QKI: variants seen among roughly 807,000 people sequenced by gnomAD.
QKI encodes the protein KH domain-containing RNA-binding protein QKI.
Under a neutral mutation model 39.0 loss-of-function variants are expected in QKI, and 10 were observed. The observed-to-expected ratio is 0.26, with a 90% CI of 0.16 to 0.43. The LOEUF (loss-of-function observed/expected upper bound fraction) is 0.43. Ranked by LOEUF, QKI falls within the 20% of genes least tolerant of loss-of-function variation. The pLI is 1.00. For missense variants in QKI, 218 were observed against 428.0 expected (o/e 0.51, Z 4.33); for synonymous variants, 204 against 155.4 (o/e 1.31, Z -2.33).
rs1247377189 is a variant in QKI at position 163,573,637 on chromosome 6, T to G, written c.*2927T>G. ...TTGCAGTACTTTATTATATTGGGTGTCTTGTCTTTTTTGGGCTTTTAGTTA... is the reference window on the plus strand; with the variant it reads ...TTGCAGTACTTTATTATATTGGGTGGCTTGTCTTTTTTGGGCTTTTAGTTA... On this transcript the variant is annotated 3_prime_UTR_variant, in exon 8 of 8. Coordinates refer to ENST00000361752, the MANE Select transcript of QKI (RefSeq NM_006775.3). 6.6e-6 allele frequency: 1 copy of G among 152,160 alleles called. No individual in the cohort carries two copies. The highest frequency in any genetic ancestry group is 6.5e-5 in the Admixed American group (1 of 15,272). The allele number at this position is 152,160 out of a possible 1,614,324, so 9.4% of individuals were successfully genotyped here.
In QKI at chr6:163,561,866, A is replaced by C. The variant is rs570457212; in HGVS notation, c.547-116A>C. 162 of 683,698 alleles carry C rather than the reference A, an allele frequency of 2.4e-4. 1 individual carries two copies. The African/African-American group carries it at 2.6e-3, about 11-fold the overall frequency. 42.4% of individuals were successfully genotyped at this position (683,698 alleles called of 1,614,324 possible). On this transcript the variant is annotated intron_variant, in intron 4 of 7. Transcript: ENST00000361752. The stretch of plus-strand genomic sequence containing the variant: ...TGGTTCTTGATCTTTTTTTCCCCTT[A>C]TTAAAACAGGTGACTGTAGTCACAT...
At chr6:163,510,266 AC>A (rs1468753490) in intron 3 of QKI, among the ~76,000 whole-genome samples, 1 of 148,526 alleles carries the variant, frequency 6.7e-6, no homozygotes, top group African/African-American at 2.5e-5. Flanking sequence ...TAATAAGTAA[AC>A]TAAAAAGCAA....
chr6:163,520,516 T>C (rs1378329178), intron 3 of QKI, among the ~76,000 whole-genome samples: 1 of 152,096 alleles, frequency 6.6e-6, no homozygotes, highest in Non-Finnish European at 1.5e-5. Flanking sequence ...TTACCTGTTT[T>C]CAAAACTATA....
intron 1 of QKI, among the ~76,000 whole-genome samples, chr6:163,425,632 T>G (rs1362499580): frequency 2.0e-5 from 3 of 152,200 alleles, no homozygotes; most frequent in Non-Finnish European, 2.9e-5. Flanking sequence ...ATATTTATAT[T>G]GAGTTTTCTG....
intron 7 of QKI, chr6:163,567,413 T>G: frequency 1.0e-6 from 1 of 985,696 alleles, no homozygotes. Context: ...ATTCTTACAT[T>G]CTCTTGCCAA....
chr6:163,504,870 GCTC>G (rs1393648154), intron 3 of QKI, among the ~76,000 whole-genome samples: 3 of 152,188 alleles, frequency 2.0e-5, no homozygotes, highest in African/African-American at 7.2e-5. Context: ...GGTGGGACTT[GCTC>G]CTCTTCTTTT....
chr6:163,535,128 A>G lies in QKI; in HGVS notation c.546+3A>G. 6.3e-7 allele frequency: 1 copy of G among 1,580,612 alleles called. No individual in the cohort carries two copies. The highest frequency in any genetic ancestry group is 8.6e-7 in the Non-Finnish European group (1 of 1,166,520). ...TGAAGAAATTATTGGTACCTGCAGTAAGTAATAATTTCCAGACCTTAGATT... is the reference window on the plus strand; with the variant it reads ...TGAAGAAATTATTGGTACCTGCAGTGAGTAATAATTTCCAGACCTTAGATT... On this transcript the variant is annotated splice_donor_region_variant and intron_variant, in intron 4 of 7. Coordinates refer to ENST00000361752, the MANE Select transcript of QKI (RefSeq NM_006775.3).
In QKI at chr6:163,569,602, G is replaced by A. The variant is rs1783584767; in HGVS notation, c.1010-1092G>A. 34 of 1,023,024 alleles carry A rather than the reference G, an allele frequency of 3.3e-5. No individual in the cohort carries two copies. In the South Asian group the frequency reaches 1.0e-3, roughly 32 times the overall value. The allele number at this position is 1,023,024 out of a possible 1,614,324, so 63.4% of individuals were successfully genotyped here. ...AAGGAAGGAACAACTCAAGGACATT[G>A]GGAATGATAACTTTTCCACTTGAGA... On this transcript the variant is annotated intron_variant, in intron 7 of 7. Coordinates refer to ENST00000361752, the MANE Select transcript of QKI (RefSeq NM_006775.3).
rs1005350780 is a variant in QKI at position 163,562,048 on chromosome 6, A to C, written c.613A>C (p.Arg205=). Residue 205 remains arginine (R), a synonymous_variant, in exon 5 of 8, where the codon AGA becomes CGA. Transcript: ENST00000361752. ...MELAILNGTY[R]DANIKSPALA... is the part of the protein sequence containing the mutation. ...GCTTGCGATTCTGAATGGCACCTAC[A>C]GAGATGCCAACATTAAATCACGTAA... The C allele has an allele frequency of 6.2e-7, 1 of 1,612,864 alleles. No individual in the cohort carries two copies. Among genetic ancestry groups the C allele is most frequent in the African/African-American group, 1.3e-5 (1 of 74,890 alleles).
intron 1 of QKI, among the ~76,000 whole-genome samples, chr6:163,448,341 T>G (rs536442264): frequency 1.1e-4 from 17 of 152,038 alleles, no homozygotes; most frequent in South Asian, 2.1e-4. Flanking sequence ...TTGGGTTTTT[T>G]TTTTTTTTTT....
intron 1 of QKI, among the ~76,000 whole-genome samples, chr6:163,450,210 A>G (rs902573594): frequency 2.0e-5 from 3 of 152,012 alleles, no homozygotes; most frequent in African/African-American, 7.3e-5. Flanking sequence ...GGTGCCTGCC[A>G]CCACACCTGG....
At chr6:163,466,922 C>T in intron 2 of QKI, among the ~76,000 whole-genome samples, 1 of 151,184 alleles carries the variant, frequency 6.6e-6, no homozygotes, top group Non-Finnish European at 1.5e-5. Flanking sequence ...AAACAATCAA[C>T]AAAATGAAAA....
chr6:163,421,641 TG>T (rs1787999989), intron 1 of QKI, among the ~76,000 whole-genome samples: 1 of 145,082 alleles, frequency 6.9e-6, no homozygotes, highest in Non-Finnish European at 1.5e-5. Context: ...CAAATAGCTA[TG>T]TTTTTAAACA....
At chr6:163,457,889 G>C (rs1458531496) in intron 2 of QKI, among the ~76,000 whole-genome samples, 1 of 152,134 alleles carries the variant, frequency 6.6e-6, no homozygotes, top group Non-Finnish European at 1.5e-5. Flanking sequence ...AATAGTGACT[G>C]TGTATGGAAG....
At chr6:163,478,510 G>A (rs1792801893) in intron 2 of QKI, among the ~76,000 whole-genome samples, 1 of 152,128 alleles carries the variant, frequency 6.6e-6, no homozygotes, top group African/African-American at 2.4e-5. Flanking sequence ...TAGGTTATTT[G>A]TTGATGGACA....
intron 3 of QKI, among the ~76,000 whole-genome samples, chr6:163,505,385 A>G (rs1266618626): frequency 6.6e-6 from 1 of 152,214 alleles, no homozygotes. Context: ...GACAGCTTGC[A>G]CTATGTGCCT....
rs186938853 is a variant in QKI at position 163,427,871 on chromosome 6, T to C, written c.142+12536T>C. ...AAAATATATATAGATCTTTAAAGCT[T>C]TTAAAGTCATATGAAGTAGGGGAAA... On this transcript the variant is annotated intron_variant, in intron 1 of 7. Transcript: ENST00000361752. 2.7e-3 allele frequency among the ~76,000 whole-genome samples: 413 copies of C among 152,314 alleles called. 3 individuals carry two copies. The highest frequency in any genetic ancestry group is 9.5e-3 in the African/African-American group (394 of 41,568).
chr6:163,434,916 TAA>T (rs2128212425), intron 1 of QKI, among the ~76,000 whole-genome samples: 1 of 152,230 alleles, frequency 6.6e-6, no homozygotes, highest in African/African-American at 2.4e-5. Context: ...AAGTTTAATA[TAA>T]AAATATATTT....
In QKI at chr6:163,531,736, C is replaced by T. The variant is rs187297198; in HGVS notation, c.403-3246C>T. Among the ~76,000 whole-genome samples the T allele has an allele frequency of 2.5e-3, 382 of 152,318 alleles. 1 individual carries two copies. The highest frequency in any genetic ancestry group is 8.7e-3 in the African/African-American group (360 of 41,570). On this transcript the variant is annotated intron_variant, in intron 3 of 7. Coordinates refer to ENST00000361752, the MANE Select transcript of QKI (RefSeq NM_006775.3). ...CCCAGGCTGGCCTTGAACTCCTGGG[C>T]TCAAGCAGTCTTCCTGCCTCGGCCC...
Sources: gnomAD v4.1 joint callset for allele counts (sites outside exome capture counted in the v4.1 genomes callset) on GRCh38, gnomAD v4.1.1 for gene constraint, MANE v1.5 for transcripts, NCBI Gene and HGNC (gene_info 2026-07-23, HGNC 2026-07-21) for gene names.